The following RBPMS variants were observed in gnomAD, a reference collection of about 807,000 sequenced individuals.
RBPMS encodes RNA binding protein, mRNA processing factor, also known as RNA-binding protein with multiple splicing.
A neutral mutation model predicts 26.8 loss-of-function variants in RBPMS; 7 were observed. The ratio of observed to expected loss-of-function variants is 0.26; its 90% CI spans 0.15 to 0.49. The LOEUF is 0.49. Among genes scored for constraint, RBPMS ranks in the 20% least tolerant of loss-of-function variants. The probability of loss-of-function intolerance (pLI) is 0.98; values close to 1 mark genes in which losing one functional copy is unlikely to be tolerated. For missense variants in RBPMS, 186 were observed against 250.0 expected, an observed-to-expected ratio of 0.74 and a Z score of 1.73; for synonymous variants, 96 against 93.3, an observed-to-expected ratio of 1.03 and a Z score of -0.17.
intron 4 of RBPMS, among the ~76,000 whole-genome samples, chr8:30,489,884 C>T (rs1407972492): frequency 6.6e-6 from 1 of 151,946 alleles, no homozygotes; most frequent in Non-Finnish European, 1.5e-5. Flanking sequence ...GATGTTGGCT[C>T]ACTGCAACCT....
intron 1 of RBPMS, among the ~76,000 whole-genome samples, chr8:30,448,798 A>T (rs1204598623): frequency 6.6e-6 from 1 of 152,264 alleles, no homozygotes; most frequent in Admixed American, 6.5e-5. Flanking sequence ...TGGATTCAGG[A>T]TTAAATAGTT....
At chr8:30,516,139 G>A (rs911390363) in intron 5 of RBPMS, among the ~76,000 whole-genome samples, 6 of 152,244 alleles carry the variant, frequency 3.9e-5, no homozygotes, top group Admixed American at 3.9e-4. Context: ...CAGCACTTTG[G>A]GAGGCCGAGG....
chr8:30,420,508 C>T (rs1810642814), intron 1 of RBPMS, among the ~76,000 whole-genome samples: 2 of 152,204 alleles, frequency 1.3e-5, no homozygotes, highest in East Asian at 3.9e-4. Context: ...GACAAATCAC[C>T]AAATGAAACT....
intron 5 of RBPMS, among the ~76,000 whole-genome samples, chr8:30,522,997 A>G (rs1361180730): frequency 6.6e-6 from 1 of 152,210 alleles, no homozygotes; most frequent in East Asian, 1.9e-4. Flanking sequence ...TGGTTGAAGG[A>G]GAAGCTGGTG....
At chr8:30,436,610 T>C (rs1405311778) in intron 1 of RBPMS, among the ~76,000 whole-genome samples, 3 of 152,212 alleles carry the variant, frequency 2.0e-5, no homozygotes, top group Non-Finnish European at 4.4e-5. Flanking sequence ...GGACTATCAC[T>C]TTCCTGTATC....
chr8:30,426,223 GTCTTCAGATT>G (rs1354995199), intron 1 of RBPMS, among the ~76,000 whole-genome samples: 1 of 152,166 alleles, frequency 6.6e-6, no homozygotes, highest in African/African-American at 2.4e-5. Context: ...AAGGTTTCTT[GTCTTCAGATT>G]CCGTGGTGAT....
At chr8:30,558,230 A>T (rs539675028) in intron 6 of RBPMS, 1 of 152,888 alleles carries the variant, frequency 6.5e-6, no homozygotes, top group South Asian at 2.1e-4. Context: ...GTGTTGCTCA[A>T]TGCACCTGTG....
rs148046334 is a variant in RBPMS, at chr8:30,483,904, G to A, written c.246+4527G>A. Among the ~76,000 whole-genome samples, 6 of 152,084 alleles carry A rather than the reference G, an allele frequency of 3.9e-5. No homozygotes were observed. The South Asian group carries it at 6.2e-4, about 16-fold the overall frequency. ...CATAACATTTTTGAGATTCATCCACGCTGTGGCATTTACCAGAATCAAATT... is the reference window on the plus strand; with the variant it reads ...CATAACATTTTTGAGATTCATCCACACTGTGGCATTTACCAGAATCAAATT... On this transcript the variant is annotated intron_variant, in intron 4 of 8. Transcript: ENST00000397323.
chr8:30,500,743 G>C (rs558660847), intron 4 of RBPMS, among the ~76,000 whole-genome samples: 25 of 152,220 alleles, frequency 1.6e-4, no homozygotes, highest in African/African-American at 6.0e-4. Flanking sequence ...GTCACTTTAG[G>C]CTGCAGCTGC....
chr8:30,509,880 C>A (rs1821406468), intron 5 of RBPMS, among the ~76,000 whole-genome samples: 1 of 151,948 alleles, frequency 6.6e-6, no homozygotes, highest in South Asian at 2.1e-4. Context: ...TTCAGGCAGT[C>A]CAGCAAAAAA....
intron 6 of RBPMS, among the ~76,000 whole-genome samples, chr8:30,553,948 T>C (rs1219657476): frequency 6.6e-6 from 1 of 152,068 alleles, no homozygotes; most frequent in South Asian, 2.1e-4. Context: ...AGCTAATTTT[T>C]TGTATTTTTA....
At chr8:30,418,576 C>CTAT (rs978053030) in intron 1 of RBPMS, among the ~76,000 whole-genome samples, 2 of 151,798 alleles carry the variant, frequency 1.3e-5, no homozygotes, top group East Asian at 1.9e-4. Context: ...CTCTTTATTA[C>CTAT]TATTATTATT....
intron 8 of RBPMS, among the ~76,000 whole-genome samples, chr8:30,568,190 C>G (rs888778655): frequency 6.6e-6 from 1 of 152,192 alleles, no homozygotes; most frequent in Non-Finnish European, 1.5e-5. Flanking sequence ...TAATTAGGAA[C>G]CTTTGCCACA....
intron 5 of RBPMS, among the ~76,000 whole-genome samples, chr8:30,514,804 G>A (rs989016214): frequency 1.3e-5 from 2 of 149,464 alleles, no homozygotes; most frequent in South Asian, 4.2e-4. Context: ...GGGATTATAG[G>A]TGTGAGCCAC....
intron 1 of RBPMS, among the ~76,000 whole-genome samples, chr8:30,472,929 A>G (rs1247164797): frequency 1.3e-5 from 2 of 152,176 alleles, no homozygotes; most frequent in African/African-American, 2.4e-5. Flanking sequence ...TTAGCCAGAC[A>G]TGGTAGCAGA....
chr8:30,436,164 G>A (rs1812426866), intron 1 of RBPMS, among the ~76,000 whole-genome samples: 1 of 151,804 alleles, frequency 6.6e-6, no homozygotes, highest in Admixed American at 6.6e-5. Flanking sequence ...AATGACATCA[G>A]CCTCCTCCTT....
intron 1 of RBPMS, among the ~76,000 whole-genome samples, chr8:30,430,024 C>T (rs1389876455): frequency 1.3e-5 from 2 of 152,166 alleles, no homozygotes; most frequent in Non-Finnish European, 2.9e-5. Flanking sequence ...TGCCTGTAAT[C>T]ACAGCCCTTT....
In RBPMS at chr8:30,530,633, T is replaced by G. The variant is rs1031847353; in HGVS notation, c.398-13861T>G. 6.8e-4 allele frequency among the ~76,000 whole-genome samples: 103 copies of G among 152,122 alleles called. 1 individual carries two copies. The highest frequency in any genetic ancestry group is 1.9e-4 in the Non-Finnish European group (13 of 68,032). Reference sequence around the variant, plus strand: ...ACGTGCCACCACACCCAGCTAATTTTGTATTTTTAGTAGAGACGGGGTTTC... The same window carrying G: ...ACGTGCCACCACACCCAGCTAATTTGGTATTTTTAGTAGAGACGGGGTTTC... On this transcript the variant is annotated intron_variant, in intron 5 of 8. Transcript: ENST00000397323.
At chr8:30,479,806 C>T (rs1467930175) in intron 4 of RBPMS, among the ~76,000 whole-genome samples, 1 of 69,300 alleles carries the variant, frequency 1.4e-5, no homozygotes, top group Non-Finnish European at 2.9e-5. Context: ...TTTAGATATG[C>T]AGCATTAAAA....
Sources: allele counts gnomAD v4.1 joint callset (sites outside exome capture counted in the v4.1 genomes callset), GRCh38; gene constraint gnomAD v4.1.1; transcripts MANE v1.5; gene names NCBI Gene and HGNC (gene_info 2026-07-23, HGNC 2026-07-21).